SLC31A1: variants seen among roughly 807,000 people sequenced by gnomAD.
The protein encoded by SLC31A1 is high affinity copper uptake protein 1.
In SLC31A1, 5 loss-of-function variants were observed where a neutral mutation model predicts 17.2. The ratio of observed to expected loss-of-function variants is 0.29; its 90% CI spans 0.15 to 0.61. The LOEUF is 0.61. SLC31A1 is among the 20% of genes least tolerant of loss of function. The pLI, the probability that SLC31A1 is intolerant of heterozygous loss-of-function variation, is 0.86. For synonymous variants in SLC31A1, 76 were observed against 78.8 expected, an observed-to-expected ratio of 0.96 and a Z score of 0.19; for missense variants, 161 against 241.4, an observed-to-expected ratio of 0.67 and a Z score of 2.21.
intron 1 of SLC31A1, among the ~76,000 whole-genome samples, chr9:113,233,144 A>G (rs896352756): frequency 6.6e-6 from 1 of 152,202 alleles, no homozygotes; most frequent in Admixed American, 6.5e-5. Flanking sequence ...CTTTAAAACA[A>G]TCCTATGAAA....
chr9:113,256,743 C>A (rs779919456), intron 2 of SLC31A1, among the ~76,000 whole-genome samples: 17 of 152,056 alleles, frequency 1.1e-4, no homozygotes, highest in Admixed American at 2.0e-4. Context: ...CGCCTGTAGT[C>A]CCAGCTACTT....
chr9:113,263,675 C>A lies in SLC31A1; in HGVS notation c.*3202C>A, dbSNP rs760218433. On this transcript the variant is annotated 3_prime_UTR_variant, in exon 5 of 5. Coordinates refer to ENST00000374212, the MANE Select transcript of SLC31A1 (RefSeq NM_001859.4). ...TGGCATTTATAAACCTGTTAAGAGA[C>A]TTTAAGCATGCTTCAAGAGGCAGTT... 4.6e-5 allele frequency: 7 copies of A among 152,574 alleles called. No individual in the cohort carries two copies. The highest frequency in any genetic ancestry group is 1.0e-4 in the Non-Finnish European group (7 of 68,046). 9.5% of individuals were successfully genotyped at this position (152,574 alleles called of 1,614,324 possible).
At chr9:113,259,607 C>T (rs1320534909) in intron 4 of SLC31A1, among the ~76,000 whole-genome samples, 1 of 132,518 alleles carries the variant, frequency 7.5e-6, no homozygotes, top group Non-Finnish European at 1.6e-5. Flanking sequence ...TTTCTGGAGA[C>T]AGGGTCTCCC....
At chr9:113,249,528 A>G (rs1187786879) in intron 1 of SLC31A1, among the ~76,000 whole-genome samples, 1 of 151,912 alleles carries the variant, frequency 6.6e-6, no homozygotes, top group East Asian at 1.9e-4. Flanking sequence ...CACCATGCCC[A>G]GCTAATTTTA....
chr9:113,256,437 A>C, intron 2 of SLC31A1, 160 bp downstream of exon 2: 1 of 721,700 alleles, frequency 1.4e-6, no homozygotes, highest in Non-Finnish European at 2.2e-6. Context: ...GCTCCAGATT[A>C]TGTGGCAAGC....
intron 1 of SLC31A1, among the ~76,000 whole-genome samples, chr9:113,230,346 AC>A (rs908182565): frequency 9.2e-5 from 14 of 152,240 alleles, no homozygotes; most frequent in African/African-American, 3.4e-4. Flanking sequence ...GCCTCAGCCT[AC>A]CAAAGTAGTA....
chr9:113,240,309 T>C (rs948691492), intron 1 of SLC31A1, among the ~76,000 whole-genome samples: 12 of 152,216 alleles, frequency 7.9e-5, no homozygotes, highest in African/African-American at 1.9e-4. Flanking sequence ...TAGGTAGATA[T>C]TGAAACCTAC....
chr9:113,249,090 C>A (rs948965264), intron 1 of SLC31A1, among the ~76,000 whole-genome samples: 3 of 151,122 alleles, frequency 2.0e-5, no homozygotes, highest in Non-Finnish European at 4.4e-5. Context: ...AGTAACTTTC[C>A]CAGGACATAC....
intron 1 of SLC31A1, among the ~76,000 whole-genome samples, chr9:113,246,647 G>A (rs1390925287): frequency 6.6e-6 from 1 of 151,624 alleles, no homozygotes; most frequent in African/African-American, 2.4e-5. Context: ...CACTGCACGC[G>A]GCCGATAATT....
intron 1 of SLC31A1, among the ~76,000 whole-genome samples, chr9:113,241,540 C>T (rs1831521330): frequency 6.6e-6 from 1 of 152,316 alleles, no homozygotes; most frequent in Non-Finnish European, 1.5e-5. Flanking sequence ...TGAGGAGCAC[C>T]ATGCAATGAC....
At chr9:113,241,815 T>C (rs888940596) in intron 1 of SLC31A1, among the ~76,000 whole-genome samples, 60 of 152,354 alleles carry the variant, frequency 3.9e-4, no homozygotes, top group Admixed American at 9.8e-4. Flanking sequence ...TCTCCTACCA[T>C]TTCTCAATAC....
intron 1 of SLC31A1, chr9:113,223,101 T>C (rs1464786641): frequency 1.6e-5 from 4 of 249,352 alleles, no homozygotes; most frequent in African/African-American, 6.9e-5. Flanking sequence ...TGAACTCTTA[T>C]CTTGTATTCT....
chr9:113,259,258 CTG>C (rs1237958493), intron 4 of SLC31A1, among the ~76,000 whole-genome samples: 2 of 152,160 alleles, frequency 1.3e-5, no homozygotes, highest in Admixed American at 6.5e-5. Context: ...CAATGTAAGA[CTG>C]TATTGATTTC....
intron 2 of SLC31A1, 141 bp from the exon 3 acceptor site, chr9:113,256,972 T>C (rs541088679): frequency 2.7e-6 from 2 of 736,542 alleles, no homozygotes; most frequent in African/African-American, 1.7e-5. Flanking sequence ...AACGCTAACA[T>C]GAGGGCAAAA....
At chr9:113,259,973 T>G (rs777790392) in intron 4 of SLC31A1, among the ~76,000 whole-genome samples, 2 of 152,196 alleles carry the variant, frequency 1.3e-5, no homozygotes, top group Non-Finnish European at 1.5e-5. Context: ...GGTTTACGGC[T>G]TCCCTTTCAG....
intron 1 of SLC31A1, among the ~76,000 whole-genome samples, chr9:113,222,218 A>G (rs906936759): frequency 3.3e-4 from 51 of 152,298 alleles, no homozygotes; most frequent in African/African-American, 1.1e-3. Context: ...TCCCCTTTCT[A>G]GAGTCCACCT....
chr9:113,240,778 G>A (rs148627818), intron 1 of SLC31A1, among the ~76,000 whole-genome samples: 89 of 152,236 alleles, frequency 5.8e-4, no homozygotes, highest in African/African-American at 2.0e-3. Flanking sequence ...GGCCAGGCAC[G>A]GTGGCTCACA....
chr9:113,230,331 C>T (rs148166718), intron 1 of SLC31A1, among the ~76,000 whole-genome samples: 161 of 152,374 alleles, frequency 1.1e-3, no homozygotes, highest in Non-Finnish European at 1.7e-3. Flanking sequence ...TCAGGCTATC[C>T]TCCTGCCTCA....
chr9:113,249,353 TTTG>T (rs1260003164), intron 1 of SLC31A1, among the ~76,000 whole-genome samples: 2 of 150,732 alleles, frequency 1.3e-5, no homozygotes, highest in African/African-American at 4.9e-5. Flanking sequence ...CTAATCTTTC[TTTG>T]TTTTTTTTTT....
Sources: gnomAD v4.1 joint callset for allele counts (sites outside exome capture counted in the v4.1 genomes callset) on GRCh38, gnomAD v4.1.1 for gene constraint, MANE v1.5 for transcripts, NCBI Gene and HGNC (gene_info 2026-07-23, HGNC 2026-07-21) for gene names.